CFAP77: variants seen among roughly 807,000 people sequenced by gnomAD.
CFAP77 encodes cilia- and flagella-associated protein 77.
A neutral mutation model predicts 31.1 loss-of-function variants in CFAP77; 25 were observed. That is an observed-to-expected ratio of 0.80 (90% CI 0.59 to 1.12). The LOEUF is 1.12. CFAP77 is among the 50% of genes most tolerant of loss of function. The pLI is 0.00. For synonymous variants in CFAP77, 151 were observed against 159.9 expected (o/e 0.94, Z 0.42); for missense variants, 377 against 397.3 (o/e 0.95, Z 0.44).
chr9:132,560,549 T>TA (rs1299281926), intron 5 of CFAP77, among the ~76,000 whole-genome samples: 8 of 152,198 alleles, frequency 5.3e-5, no homozygotes. Context: ...GCCATTGGTA[T>TA]GGCTTCTCGA....
chr9:132,559,443 G>A (rs971485250), intron 5 of CFAP77, among the ~76,000 whole-genome samples: 3 of 149,536 alleles, frequency 2.0e-5, no homozygotes, highest in African/African-American at 7.4e-5. Context: ...ACAACATCAT[G>A]AGCCATCACG....
chr9:132,522,290 T>C (rs1399136991), intron 3 of CFAP77, among the ~76,000 whole-genome samples: 2 of 152,194 alleles, frequency 1.3e-5, no homozygotes, highest in Non-Finnish European at 2.9e-5. Context: ...TCAAATTCTC[T>C]TGGCTGAAGA....
chr9:132,420,176 G>C (rs1239108873), intron 1 of CFAP77, among the ~76,000 whole-genome samples: 1 of 148,436 alleles, frequency 6.7e-6, no homozygotes, highest in African/African-American at 2.5e-5. Context: ...AAAAAAAAAG[G>C]TGGAAGGAGA....
intron 1 of CFAP77, among the ~76,000 whole-genome samples, chr9:132,487,860 T>C (rs1222026349): frequency 6.6e-6 from 1 of 152,204 alleles, no homozygotes; most frequent in Admixed American, 6.5e-5. Context: ...AGGTTCTCAT[T>C]ATGGAAATAA....
chr9:132,519,321 T>C (rs1852205605), intron 3 of CFAP77, among the ~76,000 whole-genome samples: 1 of 2,638 alleles, frequency 3.8e-4, no homozygotes, highest in Non-Finnish European at 8.3e-4. Context: ...GGTGGGTGAA[T>C]GAATGGATGG....
chr9:132,437,503 ATT>A (rs763301010), intron 1 of CFAP77, among the ~76,000 whole-genome samples: 11 of 90,470 alleles, frequency 1.2e-4, no homozygotes, highest in African/African-American at 4.6e-4. Flanking sequence ...CCACTTTTGC[ATT>A]TTTTTTTTTT....
intron 3 of CFAP77, among the ~76,000 whole-genome samples, chr9:132,508,187 A>G (rs1851968251): frequency 6.6e-6 from 1 of 152,224 alleles, no homozygotes; most frequent in African/African-American, 2.4e-5. Flanking sequence ...GACACTTCAT[A>G]GACTCCGCTG....
At chr9:132,487,643 GT>G (rs74783489) in intron 1 of CFAP77, among the ~76,000 whole-genome samples, 3,691 of 126,662 alleles carry the variant, frequency 0.029, 115 homozygotes, top group African/African-American at 0.091. Flanking sequence ...TCCGGCTGTG[GT>G]TTTTTTTTTT....
chr9:132,492,676 A>C (rs934940390), intron 1 of CFAP77, among the ~76,000 whole-genome samples: 3 of 152,172 alleles, frequency 2.0e-5, no homozygotes, highest in African/African-American at 7.2e-5. Context: ...ACCACGTTAC[A>C]GGATTGTTTT....
rs1851800136 is a variant in CFAP77, at chr9:132,499,392, T to C, written c.316T>C (p.Phe106Leu). ...CTCAGCCATCGGACGCTGGAACGTGTTCAAGCAGCAGCCCACCTGCCCCCA... is the reference window on the plus strand; with the variant it reads ...CTCAGCCATCGGACGCTGGAACGTGCTCAAGCAGCAGCCCACCTGCCCCCA... ...VPEAIGRWNV[F>L]KQQPTCPHEL... Residue 106 changes from phenylalanine (F) to leucine (L), a missense_variant, in exon 3 of 6, where the codon TTC (phenylalanine) becomes CTC (leucine). Transcript: ENST00000393216. The surrounding 1 kb of genome is among the most constrained non-coding windows in gnomAD (Gnocchi z 5.4). The C allele has an allele frequency of 6.2e-7, 1 of 1,614,010 alleles. No homozygotes were observed. The highest frequency in any genetic ancestry group is 8.5e-7 in the Non-Finnish European group (1 of 1,180,030).
At position 132,485,502 on chromosome 9, in the gene CFAP77, C is replaced by T. The variant is rs138694698; in HGVS notation, c.196-13193C>T. Among the ~76,000 whole-genome samples the T allele has an allele frequency of 3.3e-3, 501 of 152,260 alleles. 1 individual carries two copies. Among genetic ancestry groups the T allele is most frequent in the African/African-American group, 0.011 (477 of 41,558 alleles). On this transcript the variant is annotated intron_variant, in intron 1 of 5. Coordinates refer to ENST00000393216, the MANE Select transcript of CFAP77 (RefSeq NM_001282957.2). The stretch of plus-strand genomic sequence containing the variant: ...GCCAAATGGTTTCTGTTTGGATTGC[C>T]ATGTGACAGGGTAGAGGCTGGCAGC...
chr9:132,532,569 C>T (rs889804088), intron 3 of CFAP77, among the ~76,000 whole-genome samples: 2 of 152,154 alleles, frequency 1.3e-5, no homozygotes, highest in Non-Finnish European at 2.9e-5. Flanking sequence ...AGTTTAAGAC[C>T]ACCACGCAGG....
intron 5 of CFAP77, among the ~76,000 whole-genome samples, chr9:132,561,304 A>G (rs2119100256): frequency 6.6e-6 from 1 of 150,922 alleles, no homozygotes; most frequent in Non-Finnish European, 1.5e-5. Context: ...TAAAATCTCT[A>G]TGCCTGTCAT....
Position 132,499,652 on chromosome 9 carries a change from G to A in CFAP77, c.524+52G>A, listed in dbSNP as rs1851810419. ...ATCCCTTGAGGGGGTGGAGGTACCAGCTCAATCAGGGACAAGGTCGGAGGG... is the reference window on the plus strand; with the variant it reads ...ATCCCTTGAGGGGGTGGAGGTACCAACTCAATCAGGGACAAGGTCGGAGGG... On this transcript the variant is annotated intron_variant, in intron 3 of 5. Coordinates refer to ENST00000393216, the MANE Select transcript of CFAP77 (RefSeq NM_001282957.2). This position sits in a 1 kb window ranked among gnomAD's most constrained non-coding sequence, Gnocchi z 5.4. 2.0e-6 allele frequency: 3 copies of A among 1,533,006 alleles called. No homozygotes were observed. The highest frequency in any genetic ancestry group is 3.4e-5 in the Admixed American group (2 of 59,592). The allele number at this position is 1,533,006 out of a possible 1,614,324, so 95.0% of individuals were successfully genotyped here.
intron 3 of CFAP77, among the ~76,000 whole-genome samples, chr9:132,506,302 A>T (rs886769523): frequency 7.2e-5 from 11 of 152,252 alleles, no homozygotes; most frequent in African/African-American, 2.7e-4. Flanking sequence ...ATATGTCTGG[A>T]GGCCAGATAT....
At chr9:132,512,271 C>T (rs1355992490) in intron 3 of CFAP77, among the ~76,000 whole-genome samples, 1 of 152,184 alleles carries the variant, frequency 6.6e-6, no homozygotes, top group African/African-American at 2.4e-5. Flanking sequence ...CTGTCTTCTC[C>T]TCTTCTGTCT....
At chr9:132,456,003 T>A (rs1850905933) in intron 1 of CFAP77, among the ~76,000 whole-genome samples, 1 of 152,176 alleles carries the variant, frequency 6.6e-6, no homozygotes, top group Non-Finnish European at 1.5e-5. Flanking sequence ...TACACATTCC[T>A]GGTGGCACTG....
chr9:132,416,563 G>A (rs1313642486), intron 1 of CFAP77, among the ~76,000 whole-genome samples: 4 of 151,190 alleles, frequency 2.6e-5, no homozygotes, highest in South Asian at 2.1e-4. Flanking sequence ...GGCTGGTCTC[G>A]AACTCCTGAC....
At chr9:132,469,523 CA>C (rs1242660651) in intron 1 of CFAP77, among the ~76,000 whole-genome samples, 8 of 152,120 alleles carry the variant, frequency 5.3e-5, no homozygotes, top group Non-Finnish European at 8.8e-5. Flanking sequence ...GGCAGCTGAA[CA>C]GGGGCAGAGG....
Sources: gnomAD v4.1 joint callset for allele counts (sites outside exome capture counted in the v4.1 genomes callset) on GRCh38, gnomAD v4.1.1 for gene constraint, Gnocchi (gnomAD v3.1) non-coding constraint, MANE v1.5 for transcripts, NCBI Gene and HGNC (gene_info 2026-07-23, HGNC 2026-07-21) for gene names.